The following MYO5B variants were observed in gnomAD, a reference collection of about 807,000 sequenced individuals.
MYO5B encodes unconventional myosin-Vb.
A neutral mutation model predicts 229.3 loss-of-function variants in MYO5B; 143 were observed. The observed-to-expected ratio is 0.62, with a 90% CI of 0.54 to 0.72. The LOEUF is 0.72. MYO5B is among the 30% of genes least tolerant of loss of function. The probability of loss-of-function intolerance (pLI) is 0.00; values close to 1 mark genes in which losing one functional copy is unlikely to be tolerated. For synonymous variants in MYO5B, 918 were observed against 885.2 expected, an observed-to-expected ratio of 1.04 and a Z score of -0.66; for missense variants, 2,321 against 2,331.0, an observed-to-expected ratio of 1.00 and a Z score of 0.09.
At chr18:49,844,343 A>G (rs1017787682) in intron 33 of MYO5B, among the ~76,000 whole-genome samples, 1 of 152,228 alleles carries the variant, frequency 6.6e-6, no homozygotes, top group African/African-American at 2.4e-5. Context: ...ACAAGGCCCC[A>G]GGGGTCTCAC....
At chr18:49,870,993 T>C (rs1236837103) in intron 27 of MYO5B, among the ~76,000 whole-genome samples, 1 of 152,116 alleles carries the variant, frequency 6.6e-6, no homozygotes, top group African/African-American at 2.4e-5. Flanking sequence ...TACTTGTATA[T>C]CCATGTTCAG....
intron 27 of MYO5B, among the ~76,000 whole-genome samples, chr18:49,866,021 T>C (rs528034621): frequency 6.6e-6 from 1 of 152,306 alleles, no homozygotes; most frequent in African/African-American, 2.4e-5. Context: ...CAAAAGAATA[T>C]GCATGCTTTA....
At chr18:49,952,630 G>A (rs865813143) in intron 14 of MYO5B, among the ~76,000 whole-genome samples, 1 of 152,158 alleles carries the variant, frequency 6.6e-6, no homozygotes, top group Non-Finnish European at 1.5e-5. Context: ...ATATGTTTGG[G>A]TGAATTGGTG....
In MYO5B at chr18:50,043,391, AT is replaced by A. The variant is rs1446514688; in HGVS notation, c.139-3078del. ...ATATAATATATAATATATTAAATAT[AT>A]TTAAATATATTAAATATTAAATATT... On this transcript the variant is annotated intron_variant, in intron 2 of 39. Coordinates refer to ENST00000285039, the MANE Select transcript of MYO5B (RefSeq NM_001080467.3). Among the ~76,000 whole-genome samples, 9 of 73,670 alleles carry A rather than the reference AT, an allele frequency of 1.2e-4. 1 individual carries two copies. Among genetic ancestry groups the A allele is most frequent in the South Asian group, 4.1e-4 (1 of 2,460 alleles). The allele number at this position is 73,670 out of a possible 152,430, so 48.3% of individuals were successfully genotyped here.
At chr18:49,852,873 A>G (rs779892447) in intron 31 of MYO5B, among the ~76,000 whole-genome samples, 1 of 152,198 alleles carries the variant, frequency 6.6e-6, no homozygotes, top group Non-Finnish European at 1.5e-5. Flanking sequence ...TTTTAAAAAC[A>G]CTATCTACTT....
intron 12 of MYO5B, among the ~76,000 whole-genome samples, chr18:49,958,843 C>T (rs9948546): frequency 2.0e-5 from 3 of 152,180 alleles, no homozygotes; most frequent in African/African-American, 7.2e-5. Flanking sequence ...GCCTGGCCTA[C>T]CACATGGCCT....
chr18:49,874,171 A>G (rs187350726), intron 26 of MYO5B, among the ~76,000 whole-genome samples: 59 of 152,340 alleles, frequency 3.9e-4, no homozygotes, highest in African/African-American at 1.4e-3. Context: ...CTTAATATAC[A>G]TGACAGAGCT....
chr18:50,032,136 G>A (rs1241682668), intron 4 of MYO5B, among the ~76,000 whole-genome samples: 1 of 151,910 alleles, frequency 6.6e-6, no homozygotes, highest in Non-Finnish European at 1.5e-5. Context: ...CATTCACCAT[G>A]TAAGTTAAAC....
chr18:50,044,444 C>T (rs2030163492), intron 2 of MYO5B, among the ~76,000 whole-genome samples: 1 of 152,038 alleles, frequency 6.6e-6, no homozygotes, highest in Non-Finnish European at 1.5e-5. Context: ...GAAAAGGAGG[C>T]TAAATGTTAA....
At chr18:50,054,127 A>G (rs1314565652) in intron 2 of MYO5B, among the ~76,000 whole-genome samples, 2 of 152,106 alleles carry the variant, frequency 1.3e-5, no homozygotes, top group African/African-American at 2.4e-5. Context: ...CTGGAACACA[A>G]GAAGGTCTCA....
At chr18:50,075,333 A>G (rs2031054049) in intron 1 of MYO5B, among the ~76,000 whole-genome samples, 1 of 152,142 alleles carries the variant, frequency 6.6e-6, no homozygotes, top group African/African-American at 2.4e-5. Flanking sequence ...GTGTGCCAAG[A>G]CATGAAGAAT....
intron 1 of MYO5B, among the ~76,000 whole-genome samples, chr18:50,133,569 A>T (rs941257652): frequency 5.9e-5 from 9 of 152,132 alleles, no homozygotes; most frequent in Non-Finnish European, 1.0e-4. Context: ...TGAGCCCAGA[A>T]ATCCCTCCAT....
chr18:50,051,854 T>A (rs922034644), intron 2 of MYO5B, among the ~76,000 whole-genome samples: 2 of 152,184 alleles, frequency 1.3e-5, no homozygotes, highest in South Asian at 2.1e-4. Flanking sequence ...GAAAGGAGGT[T>A]TCCAGGTGCT....
At chr18:49,911,543 G>C (rs986332343) in intron 18 of MYO5B, among the ~76,000 whole-genome samples, 23 of 152,216 alleles carry the variant, frequency 1.5e-4, no homozygotes, top group African/African-American at 5.5e-4. Flanking sequence ...CCACGGTTGT[G>C]TAAGTGCGTT....
At chr18:49,834,587 A>C (rs754988825) in intron 39 of MYO5B, among the ~76,000 whole-genome samples, 7 of 152,204 alleles carry the variant, frequency 4.6e-5, no homozygotes, top group Non-Finnish European at 8.8e-5. Context: ...GACAGATTTA[A>C]ATAACCGTTT....
At chr18:50,122,803 A>T (rs2032091627) in intron 1 of MYO5B, among the ~76,000 whole-genome samples, 1 of 152,206 alleles carries the variant, frequency 6.6e-6, no homozygotes, top group Non-Finnish European at 1.5e-5. Context: ...AATAAAAAAT[A>T]AAATAGAAAA....
At position 50,032,041 on chromosome 18, in the gene MYO5B, CA is replaced by C. The variant is rs2026395282; in HGVS notation, c.455+4808del. Reference sequence around the variant, plus strand: ...GTGTTAATAGAATACATTTCTTCCCCAAAGTTCACCCCAGCCTGCAAAGGCC... The same window carrying C: ...GTGTTAATAGAATACATTTCTTCCCCAAGTTCACCCCAGCCTGCAAAGGCC... On this transcript the variant is annotated intron_variant, in intron 4 of 39. Coordinates refer to ENST00000285039, the MANE Select transcript of MYO5B (RefSeq NM_001080467.3). Among the ~76,000 whole-genome samples, 4 of 152,278 alleles carry C rather than the reference CA, an allele frequency of 2.6e-5. No individual in the cohort carries two copies. In the South Asian group the frequency reaches 8.3e-4, roughly 32 times the overall value.
chr18:49,856,531 G>T (rs2024264340), intron 30 of MYO5B, among the ~76,000 whole-genome samples: 1 of 152,204 alleles, frequency 6.6e-6, no homozygotes, highest in Admixed American at 6.5e-5. Context: ...GCCGCTATGT[G>T]ACCTCCTGCT....
chr18:50,043,401 A>AT (rs1441472111), intron 2 of MYO5B, among the ~76,000 whole-genome samples: 4 of 49,748 alleles, frequency 8.0e-5, no homozygotes, highest in Admixed American at 3.7e-4. Context: ...ATTTAAATAT[A>AT]TTAAATATTA....
Sources: allele counts gnomAD v4.1 joint callset (sites outside exome capture counted in the v4.1 genomes callset), GRCh38; gene constraint gnomAD v4.1.1; transcripts MANE v1.5; gene names NCBI Gene and HGNC (gene_info 2026-07-23, HGNC 2026-07-21).